The following PCDHAC1 variants were observed in gnomAD, a reference collection of about 807,000 sequenced individuals.
PCDHAC1 encodes the protein protocadherin alpha-C1.
In PCDHAC1, 42 loss-of-function variants were observed where a neutral mutation model predicts 60.0. The observed-to-expected ratio is 0.70, with a 90% CI of 0.55 to 0.90. The LOEUF (loss-of-function observed/expected upper bound fraction) is 0.90, where lower values mean the gene tolerates loss of function less well. Among genes scored for constraint, PCDHAC1 ranks in the 40% least tolerant of loss-of-function variants. PCDHAC1 has a pLI of 0.00. For missense variants in PCDHAC1, 1,160 were observed against 1,222.3 expected (o/e 0.95, Z 0.76); for synonymous variants, 468 against 499.3 (o/e 0.94, Z 0.84).
chr5:141,003,724 A>C (rs575036478), intron 3 of PCDHAC1, among the ~76,000 whole-genome samples: 2 of 151,950 alleles, frequency 1.3e-5, no homozygotes, highest in African/African-American at 4.8e-5. Flanking sequence ...CGGCTAATCC[A>C]ATAAAAAAGC....
intron 1 of PCDHAC1, among the ~76,000 whole-genome samples, chr5:140,951,512 C>T (rs2094592870): frequency 6.6e-6 from 1 of 152,004 alleles, no homozygotes; most frequent in Non-Finnish European, 1.5e-5. Context: ...GAAAGCGGCT[C>T]ATCTTACATG....
intron 3 of PCDHAC1, among the ~76,000 whole-genome samples, chr5:141,003,290 G>A (rs1302166316): frequency 1.3e-5 from 2 of 152,176 alleles, no homozygotes; most frequent in Non-Finnish European, 2.9e-5. Flanking sequence ...TTGGATTATA[G>A]GATTACATGA....
chr5:140,953,055 T>C (rs1389436711), intron 1 of PCDHAC1, among the ~76,000 whole-genome samples: 3 of 152,178 alleles, frequency 2.0e-5, no homozygotes, highest in African/African-American at 7.2e-5. Flanking sequence ...CAATCACCTC[T>C]CACAGGCCCC....
chr5:140,948,912 C>A (rs1038670333), intron 1 of PCDHAC1, among the ~76,000 whole-genome samples: 1 of 150,924 alleles, frequency 6.6e-6, no homozygotes, highest in Non-Finnish European at 1.5e-5. Context: ...TCTTAGGTAA[C>A]TGATTAGGTA....
At position 140,926,615 on chromosome 5, in the gene PCDHAC1, C is replaced by G. The variant is rs540135252; in HGVS notation, c.-278C>G. On this transcript the variant is annotated 5_prime_UTR_variant, in exon 1 of 4. Coordinates refer to ENST00000253807, the MANE Select transcript of PCDHAC1 (RefSeq NM_018898.5). ...GGCGGGCGGCCTCGTCTCTGCACCC[C>G]TAGGCGGCGCTGCGCTCCTCAACAC... 1,855 of 379,286 alleles carry G rather than the reference C, an allele frequency of 4.9e-3. 8 individuals are homozygous for G. Among genetic ancestry groups the G allele is most frequent in the African/African-American group, 0.019 (896 of 47,466 alleles). The allele number at this position is 379,286 out of a possible 1,614,324, so 23.5% of individuals were successfully genotyped here. A position where few individuals can be genotyped will look rare whatever the true frequency, so the allele number is the denominator to read the frequency against.
At position 140,929,209 on chromosome 5, in the gene PCDHAC1, G is replaced by T; in HGVS notation, c.2317G>T (p.Gly773Trp). ...TGATAATAACAGTTTGCTGTTGCGT[G>T]GGGAGTACAATGCTGCCGACCTGCG... is the stretch of plus-strand genomic sequence containing the variant. ...GSDNNSLLLR[G>W]EYNAADLRNL... is the part of the protein sequence containing the mutation. Residue 773 changes from glycine (G) to tryptophan (W), a missense_variant, in exon 1 of 4, where the codon GGG (glycine) becomes TGG (tryptophan). This residue lies in a region of PCDHAC1 where 1,113 missense variants were observed against 1,163.7 expected (regional missense o/e 0.96). Coordinates refer to ENST00000253807, the MANE Select transcript of PCDHAC1 (RefSeq NM_018898.5). 6.2e-7 allele frequency: 1 copy of T among 1,614,054 alleles called. No homozygotes were observed. Among genetic ancestry groups the T allele is most frequent in the Non-Finnish European group, 8.5e-7 (1 of 1,179,978 alleles).
In PCDHAC1 at chr5:140,927,478, C is replaced by T. The variant is rs959432734; in HGVS notation, c.586C>T (p.Arg196Cys). 7.4e-6 allele frequency: 12 copies of T among 1,613,944 alleles called. No individual in the cohort carries two copies. Among genetic ancestry groups the T allele is most frequent in the African/African-American group, 1.3e-5 (1 of 74,942 alleles). ...GGAGAAAGCACTGGATCGCGAACAG[C>T]GCGCCACCCACCTGCTGGTGCTTAC... Reference protein sequence around the residue: ...VLEKALDREQRATHLLVLTAR... With the variant: ...VLEKALDREQCATHLLVLTAR... Residue 196 changes from arginine to cysteine, a missense_variant, in exon 1 of 4, where the codon CGC becomes TGC. Physicochemically the swap from Arg to Cys is radical, Grantham distance 180. This residue lies in a region of PCDHAC1 where 1,113 missense variants were observed against 1,163.7 expected (regional missense o/e 0.96). Coordinates refer to ENST00000253807, the MANE Select transcript of PCDHAC1 (RefSeq NM_018898.5).
rs1281739668 is a variant in PCDHAC1, at chr5:140,966,815, C to T, written c.2434-12134C>T. On this transcript the variant is annotated intron_variant, in intron 1 of 3. Transcript: ENST00000253807. The stretch of plus-strand genomic sequence containing the variant: ...TGCGGCGACAGAGCATCCACGGCTC[C>T]GGCGGCCCATGCCCTGGCTGCTGCT... 1.9e-6 allele frequency: 3 copies of T among 1,552,884 alleles called. No individual in the cohort carries two copies. The highest frequency in any genetic ancestry group is 1.7e-6 in the Non-Finnish European group (2 of 1,153,182).
At chr5:140,985,203 T>C (rs1274620928) in intron 3 of PCDHAC1, among the ~76,000 whole-genome samples, 1 of 152,092 alleles carries the variant, frequency 6.6e-6, no homozygotes, top group Non-Finnish European at 1.5e-5. Flanking sequence ...TCCCAAAGTG[T>C]TGGGATTACA....
chr5:140,998,646 C>A (rs1413467899), intron 3 of PCDHAC1, among the ~76,000 whole-genome samples: 1 of 151,870 alleles, frequency 6.6e-6, no homozygotes, highest in Non-Finnish European at 1.5e-5. Context: ...CTCACTGCAA[C>A]CTCTGCCTCC....
At chr5:140,944,335 G>A (rs1196825895) in intron 1 of PCDHAC1, among the ~76,000 whole-genome samples, 1 of 151,986 alleles carries the variant, frequency 6.6e-6, no homozygotes, top group African/African-American at 2.4e-5. Context: ...TTACAAGCAC[G>A]TGCCACCACA....
intron 1 of PCDHAC1, among the ~76,000 whole-genome samples, chr5:140,951,812 A>G (rs2094639418): frequency 1.3e-5 from 2 of 152,152 alleles, no homozygotes; most frequent in Admixed American, 1.3e-4. Context: ...ATGGTCCCTC[A>G]AAGTCTGAAC....
Position 141,010,368 on chromosome 5 carries a change from C to A in PCDHAC1, c.*431C>A. On this transcript the variant is annotated 3_prime_UTR_variant, in exon 4 of 4. Transcript: ENST00000253807. ...GGTATGTGTGGCTACCGCGGGTATG[C>A]GAGTGCCAGATATTGGCTGAGACGA... 2 of 1,471,050 alleles carry A rather than the reference C, an allele frequency of 1.4e-6. No homozygotes were observed. Among genetic ancestry groups the A allele is most frequent in the Non-Finnish European group, 1.8e-6 (2 of 1,106,904 alleles). The allele number at this position is 1,471,050 out of a possible 1,614,324, so 91.1% of individuals were successfully genotyped here. A position where few individuals can be genotyped will look rare whatever the true frequency, so the allele number is the denominator to read the frequency against.
rs1554263543 is a variant in PCDHAC1, at chr5:141,011,545, G to A, written c.*1608G>A. 1 of 153,624 alleles carries A rather than the reference G, an allele frequency of 6.5e-6. No individual in the cohort carries two copies. Among genetic ancestry groups the A allele is most frequent in the Non-Finnish European group, 1.5e-5 (1 of 68,004 alleles). 9.5% of individuals were successfully genotyped at this position (153,624 alleles called of 1,614,324 possible). A position where few individuals can be genotyped will look rare whatever the true frequency, so the allele number is the denominator to read the frequency against. Reference sequence around the variant, plus strand: ...TTAACCATTGTTAATCAGCTTTTGTGTATGAAAGACACAGTAAAATTTCTT... The same window carrying A: ...TTAACCATTGTTAATCAGCTTTTGTATATGAAAGACACAGTAAAATTTCTT... On this transcript the variant is annotated 3_prime_UTR_variant, in exon 4 of 4. Coordinates refer to ENST00000253807, the MANE Select transcript of PCDHAC1 (RefSeq NM_018898.5).
At chr5:140,990,821 G>T (rs890499969) in intron 3 of PCDHAC1, among the ~76,000 whole-genome samples, 1 of 152,172 alleles carries the variant, frequency 6.6e-6, no homozygotes, top group East Asian at 1.9e-4. Flanking sequence ...CCTTCTCTCA[G>T]CTAAAGCCTA....
chr5:140,967,749 C>G (rs1554229896), intron 1 of PCDHAC1: 1 of 1,614,172 alleles, frequency 6.2e-7, no homozygotes, highest in Non-Finnish European at 8.5e-7. Context: ...TATGAGGAAG[C>G]CTCCTCCTAC....
intron 3 of PCDHAC1, among the ~76,000 whole-genome samples, chr5:140,986,690 A>G (rs2097209589): frequency 6.6e-6 from 1 of 152,172 alleles, no homozygotes; most frequent in African/African-American, 2.4e-5. Flanking sequence ...AAAGTTTCAA[A>G]ACACACAGCA....
At position 141,009,666 on chromosome 5, in the gene PCDHAC1, G is replaced by T; in HGVS notation, c.2621G>T (p.Gly874Val). Residue 874 changes from glycine to valine, a missense_variant, in exon 4 of 4, where the codon GGT becomes GTT. Physicochemically the swap from Gly to Val is moderately radical, Grantham distance 109. This residue lies in a region of PCDHAC1 where 1,113 missense variants were observed against 1,163.7 expected (regional missense o/e 0.96). Coordinates refer to ENST00000253807, the MANE Select transcript of PCDHAC1 (RefSeq NM_018898.5). ...GAAGTGTCCCCTCCAGTCGGTGCGG[G>T]TGTCAACAGCAACAGCTGGACCTTT... ...AGEVSPPVGAGVNSNSWTFKY... is the reference protein window; with the variant it reads ...AGEVSPPVGAVVNSNSWTFKY... The T allele has an allele frequency of 1.2e-6, 2 of 1,614,080 alleles. No individual in the cohort carries two copies. The highest frequency in any genetic ancestry group is 1.7e-6 in the Non-Finnish European group (2 of 1,180,022).
At chr5:140,999,494 C>G (rs2097859711) in intron 3 of PCDHAC1, among the ~76,000 whole-genome samples, 1 of 152,064 alleles carries the variant, frequency 6.6e-6, no homozygotes, top group Non-Finnish European at 1.5e-5. Context: ...CTATGTTACC[C>G]AAGAACCTAC....
Sources: allele counts gnomAD v4.1 joint callset (sites outside exome capture counted in the v4.1 genomes callset), GRCh38; gene constraint gnomAD v4.1.1; regional missense constraint gnomAD v4.1.1; transcripts MANE v1.5; gene names NCBI Gene and HGNC (gene_info 2026-07-23, HGNC 2026-07-21).